SLC22A23: variants seen among roughly 807,000 people sequenced by gnomAD.
SLC22A23 encodes the protein ion transporter protein.
Under a neutral mutation model 61.0 loss-of-function variants are expected in SLC22A23, and 26 were observed. The observed-to-expected ratio is 0.43, with a 90% CI of 0.31 to 0.59. The LOEUF (loss-of-function observed/expected upper bound fraction) is 0.59, where lower values mean the gene tolerates loss of function less well. Ranked by LOEUF, SLC22A23 falls within the 20% of genes least tolerant of loss-of-function variation. The pLI is 0.11. For missense variants in SLC22A23, 796 were observed against 934.7 expected, an observed-to-expected ratio of 0.85 and a Z score of 1.94; for synonymous variants, 430 against 413.9, an observed-to-expected ratio of 1.04 and a Z score of -0.47.
chr6:3,426,588 A>G (rs962463421), intron 1 of SLC22A23, among the ~76,000 whole-genome samples: 1 of 152,216 alleles, frequency 6.6e-6, no homozygotes, highest in African/African-American at 2.4e-5. Flanking sequence ...AGAGTACCTG[A>G]GATGGTAAAC....
chr6:3,292,202 G>A (rs1248957283), intron 5 of SLC22A23, among the ~76,000 whole-genome samples: 1 of 152,204 alleles, frequency 6.6e-6, no homozygotes, highest in African/African-American at 2.4e-5. Flanking sequence ...CATTATATCT[G>A]TTCTTCTGGG....
At chr6:3,364,792 A>T (rs1427006768) in intron 3 of SLC22A23, among the ~76,000 whole-genome samples, 1 of 152,170 alleles carries the variant, frequency 6.6e-6, no homozygotes, top group Non-Finnish European at 1.5e-5. Flanking sequence ...GCAGGTTAAG[A>T]CTTGGAATCT....
intron 3 of SLC22A23, among the ~76,000 whole-genome samples, chr6:3,394,022 C>T (rs1239502456): frequency 1.3e-5 from 2 of 152,198 alleles, no homozygotes; most frequent in Admixed American, 1.3e-4. Context: ...AGCTTGGAAA[C>T]ACAGCAGAAG....
intron 3 of SLC22A23, among the ~76,000 whole-genome samples, chr6:3,400,546 A>G (rs1768311726): frequency 6.6e-6 from 1 of 152,252 alleles, no homozygotes. Flanking sequence ...GGTTTTACAG[A>G]TGACAATCAC....
At chr6:3,292,637 T>G (rs1168842256) in intron 5 of SLC22A23, among the ~76,000 whole-genome samples, 1 of 152,228 alleles carries the variant, frequency 6.6e-6, no homozygotes, top group African/African-American at 2.4e-5. Flanking sequence ...CCTCCACATT[T>G]TCACGGATCC....
chr6:3,456,218 C>T lies in SLC22A23; in HGVS notation c.342G>A (p.Gln114=), dbSNP rs1287616836. 6.4e-7 allele frequency: 1 copy of T among 1,551,356 alleles called. No homozygotes were observed. Among genetic ancestry groups the T allele is most frequent in the African/African-American group, 1.4e-5 (1 of 73,136 alleles). Residue 114 remains glutamine (Q), a synonymous_variant, in exon 1 of 10, where the codon CAG becomes CAA. Coordinates refer to ENST00000406686, the MANE Select transcript of SLC22A23 (RefSeq NM_015482.2). This position sits in a 1 kb window ranked among gnomAD's most constrained non-coding sequence, Gnocchi z 7.1. The stretch of plus-strand genomic sequence containing the variant: ...GGTCCAGGAGGAACGAGTCCGAGAA[C>T]TGGCTGAAGCCGATGAACAGCGCCG... The part of the protein sequence containing the change: ...WIPALFIGFS[Q]FSDSFLLDQP...
At position 3,410,722 on chromosome 6, in the gene SLC22A23, G is replaced by C. The variant is rs928586108; in HGVS notation, c.759-380C>G. ...CCAGCATAAAAAGTCTTGAGAAATC[G>C]TTGACCTTTGGGATTGGATCAAAAG... is the stretch of plus-strand genomic sequence containing the variant. On this transcript the variant is annotated intron_variant, in intron 2 of 9. Coordinates refer to ENST00000406686, the MANE Select transcript of SLC22A23 (RefSeq NM_015482.2). This position sits in a 1 kb window ranked among gnomAD's most constrained non-coding sequence, Gnocchi z 5.0. 1.3e-5 allele frequency among the ~76,000 whole-genome samples: 2 copies of C among 152,086 alleles called. No individual in the cohort carries two copies. Among genetic ancestry groups the C allele is most frequent in the Admixed American group, 1.3e-4 (2 of 15,268 alleles).
At chr6:3,315,286 C>T (rs6914634) in intron 4 of SLC22A23, among the ~76,000 whole-genome samples, 7,592 of 152,224 alleles carry the variant, frequency 0.05, 276 homozygotes, top group African/African-American at 0.095. Flanking sequence ...GGGGAGCAGG[C>T]TGGGGAAGCC....
rs1163165337 is a variant in SLC22A23 at position 3,269,745 on chromosome 6, C to T, written c.*3310G>A. The T allele has an allele frequency of 1.3e-5, 2 of 152,856 alleles. No individual in the cohort carries two copies. Among genetic ancestry groups the T allele is most frequent in the Non-Finnish European group, 2.9e-5 (2 of 68,062 alleles). The allele number at this position is 152,856 out of a possible 1,614,324, so 9.5% of individuals were successfully genotyped here. On this transcript the variant is annotated 3_prime_UTR_variant, in exon 10 of 10. Coordinates refer to ENST00000406686, the MANE Select transcript of SLC22A23 (RefSeq NM_015482.2). ...GGACATGAAAGCGAGGTGGTGCCTT[C>T]TAGACGAGAGGACAGCTGTAGTGTG...
chr6:3,373,940 G>A (rs536085512), intron 3 of SLC22A23, among the ~76,000 whole-genome samples: 7 of 152,334 alleles, frequency 4.6e-5, no homozygotes, highest in Non-Finnish European at 7.3e-5. Flanking sequence ...CAATCCTCAC[G>A]GCAACCTTGG....
At chr6:3,347,427 G>C (rs776200750) in intron 3 of SLC22A23, among the ~76,000 whole-genome samples, 1 of 152,022 alleles carries the variant, frequency 6.6e-6, no homozygotes, top group Non-Finnish European at 1.5e-5. Flanking sequence ...GCATCATCAC[G>C]GCTGACCTCT....
intron 1 of SLC22A23, among the ~76,000 whole-genome samples, chr6:3,444,405 C>T (rs182517014): frequency 4.2e-4 from 64 of 152,374 alleles, no homozygotes; most frequent in African/African-American, 1.4e-3. Flanking sequence ...TTTCAACTTG[C>T]CCCTACGTTT....
intron 1 of SLC22A23, among the ~76,000 whole-genome samples, chr6:3,451,853 G>A (rs1472156368): frequency 6.6e-6 from 1 of 152,150 alleles, no homozygotes; most frequent in Non-Finnish European, 1.5e-5. Context: ...ATGATTTTTT[G>A]ACTTGATGAT....
At chr6:3,323,218 T>A (rs1318479545) in intron 4 of SLC22A23, 1 of 455,970 alleles carries the variant, frequency 2.2e-6, no homozygotes, top group African/African-American at 2.0e-5. Flanking sequence ...AAGCTATTTT[T>A]TGTAAAGGAC....
At position 3,454,307 on chromosome 6, in the gene SLC22A23, G is replaced by A. The variant is rs1158172582; in HGVS notation, c.654+1599C>T. On this transcript the variant is annotated intron_variant, in intron 1 of 9. Coordinates refer to ENST00000406686, the MANE Select transcript of SLC22A23 (RefSeq NM_015482.2). The surrounding 1 kb of genome is among the most constrained non-coding windows in gnomAD (Gnocchi z 4.3). Reference sequence around the variant, plus strand: ...ACTATTTTTGTTCTCTCCTCCCACCGTGCATGGCTGAGTGTGAATAGCTGT... The same window carrying A: ...ACTATTTTTGTTCTCTCCTCCCACCATGCATGGCTGAGTGTGAATAGCTGT... Among the ~76,000 whole-genome samples, 6 of 152,168 alleles carry A rather than the reference G, an allele frequency of 3.9e-5. No homozygotes were observed. Among genetic ancestry groups the A allele is most frequent in the South Asian group, 2.1e-4 (1 of 4,816 alleles).
intron 3 of SLC22A23, among the ~76,000 whole-genome samples, chr6:3,368,015 C>A (rs1765947772): frequency 2.0e-5 from 3 of 152,218 alleles, no homozygotes; most frequent in Admixed American, 1.3e-4. Flanking sequence ...GCACCCATCA[C>A]TGGACTTGAG....
intron 3 of SLC22A23, among the ~76,000 whole-genome samples, chr6:3,380,616 C>T (rs1766895867): frequency 6.6e-6 from 1 of 151,920 alleles, no homozygotes; most frequent in Non-Finnish European, 1.5e-5. Flanking sequence ...AACATCCTTT[C>T]ATGCTAGTAC....
intron 6 of SLC22A23, among the ~76,000 whole-genome samples, chr6:3,288,265 C>T (rs374633197): frequency 1.4e-4 from 22 of 152,284 alleles, no homozygotes; most frequent in South Asian, 1.0e-3. Flanking sequence ...CCAAAAACTG[C>T]CCCCTTCTCT....
chr6:3,439,882 C>T (rs1371112385), intron 1 of SLC22A23, among the ~76,000 whole-genome samples: 1 of 152,096 alleles, frequency 6.6e-6, no homozygotes, highest in Admixed American at 6.6e-5. Context: ...CATGGGGGAA[C>T]ACAGCATTGT....
Sources: gnomAD v4.1 joint callset for allele counts (sites outside exome capture counted in the v4.1 genomes callset) on GRCh38, gnomAD v4.1.1 for gene constraint, Gnocchi (gnomAD v3.1) non-coding constraint, MANE v1.5 for transcripts, NCBI Gene and HGNC (gene_info 2026-07-23, HGNC 2026-07-21) for gene names.